Variants in UFD1 observed in about 807,000 individuals in gnomAD.
The protein encoded by UFD1 is ubiquitin recognition factor in ER associated degradation 1.
UFD1 carries 13 observed loss-of-function variants against 45.9 expected under a neutral mutation model. The ratio of observed to expected loss-of-function variants is 0.28; its 90% CI spans 0.18 to 0.45. The LOEUF is 0.45. Among genes scored for constraint, UFD1 ranks in the 20% least tolerant of loss-of-function variants. The probability of loss-of-function intolerance (pLI) is 1.00; values close to 1 mark genes in which losing one functional copy is unlikely to be tolerated. For missense variants in UFD1, 218 were observed against 389.2 expected (o/e 0.56, Z 3.70); for synonymous variants, 128 against 139.2 (o/e 0.92, Z 0.56).
intron 6 of UFD1, among the ~76,000 whole-genome samples, chr22:19,463,413 C>A (rs2089780717): frequency 6.6e-6 from 1 of 152,148 alleles, no homozygotes; most frequent in Non-Finnish European, 1.5e-5. Context: ...TAAAAAATAT[C>A]TTTGAACATT....
chr22:19,455,689 T>C lies in UFD1; in HGVS notation c.758A>G (p.Asp253Gly), dbSNP rs776664735. ...EPSPSPIKPG[D>G]IKRGIPNYEF... ...GCCAGGACAGACCTACCTTTTAATA[T>C]CTCCAGGCTTGATTGGGGAGGGGCT... is the stretch of plus-strand genomic sequence containing the variant. The change falls in exon 10 of 12, where the codon GAT (aspartate) becomes GGT (glycine). Residue 253 changes from aspartate (D) to glycine (G), a missense_variant. By Grantham distance (94) the Asp-to-Gly change is moderately conservative. Coordinates refer to ENST00000263202, the MANE Select transcript of UFD1 (RefSeq NM_005659.7). 1.2e-5 allele frequency: 20 copies of C among 1,613,744 alleles called. 1 individual carries two copies. The East Asian group carries it at 4.2e-4, about 34-fold the overall frequency.
chr22:19,475,014 T>C (rs995112605), intron 3 of UFD1, 54 bp downstream of exon 3: 2 of 1,543,220 alleles, frequency 1.3e-6, no homozygotes, highest in South Asian at 1.2e-5. Context: ...ATGCTGACTC[T>C]TGGTGTCCAT....
chr22:19,475,379 C>A, intron 2 of UFD1, 91 bp downstream of exon 2: 1 of 1,544,630 alleles, frequency 6.5e-7, no homozygotes, highest in Non-Finnish European at 8.8e-7. Context: ...TAGCTTCTGA[C>A]TCCCACATGC....
intron 4 of UFD1, among the ~76,000 whole-genome samples, chr22:19,470,305 C>T (rs1198306042): frequency 1.3e-5 from 2 of 152,116 alleles, no homozygotes; most frequent in East Asian, 1.9e-4. Flanking sequence ...GGGCTCTTGT[C>T]GGGGAGACAC....
chr22:19,472,438 CG>C (rs1241107220), intron 3 of UFD1, among the ~76,000 whole-genome samples: 4 of 152,188 alleles, frequency 2.6e-5, no homozygotes, highest in Non-Finnish European at 4.4e-5. Flanking sequence ...CTGGGCCCAG[CG>C]GGCAGTGTGA....
At chr22:19,457,544 G>A (rs2089732140) in intron 7 of UFD1, among the ~76,000 whole-genome samples, 1 of 152,148 alleles carries the variant, frequency 6.6e-6, no homozygotes, top group Admixed American at 6.6e-5. Context: ...CAGGCGCGGT[G>A]GCCCACACCT....
chr22:19,478,200 C>A (rs2089904325), intron 1 of UFD1, among the ~76,000 whole-genome samples: 1 of 152,158 alleles, frequency 6.6e-6, no homozygotes, highest in African/African-American at 2.4e-5. Flanking sequence ...CCTTTTCAAT[C>A]CCGAGACCTA....
At chr22:19,460,388 G>C (rs1254722911) in intron 6 of UFD1, among the ~76,000 whole-genome samples, 1 of 152,212 alleles carries the variant, frequency 6.6e-6, no homozygotes, top group Non-Finnish European at 1.5e-5. Context: ...AGAATTGGAA[G>C]ACAGTACCCT....
chr22:19,479,004 G>GCCCC, intron 1 of UFD1, 79 bp downstream of exon 1: 1 of 728,062 alleles, frequency 1.4e-6, no homozygotes, highest in Non-Finnish European at 2.2e-6. Context: ...CCGCCGTCCC[G>GCCCC]CCCCGCCCTG....
At chr22:19,454,515 C>G (rs2089707598) in intron 11 of UFD1, 2 of 903,686 alleles carry the variant, frequency 2.2e-6, no homozygotes, top group East Asian at 7.5e-5. Flanking sequence ...CTGCTACCAT[C>G]CATGTAAGAT....
rs577528864 is a variant in UFD1 at position 19,467,684 on chromosome 22, C to G, written c.422+189G>C. ...TGGAAAGTGACAGAGGTGGCCCAGA[C>G]AGCACCCAGTGCACTTGGCCAGGGC... On this transcript the variant is annotated intron_variant, in intron 5 of 11. Coordinates refer to ENST00000263202, the MANE Select transcript of UFD1 (RefSeq NM_005659.7). 3 of 948,110 alleles carry G rather than the reference C, an allele frequency of 3.2e-6. No individual in the cohort carries two copies. In the Admixed American group the frequency reaches 8.9e-5, roughly 28 times the overall value. The allele number at this position is 948,110 out of a possible 1,614,324, so 58.7% of individuals were successfully genotyped here. A position where few individuals can be genotyped will look rare whatever the true frequency, so the allele number is the denominator to read the frequency against.
At chr22:19,478,205 G>C (rs2089904480) in intron 1 of UFD1, among the ~76,000 whole-genome samples, 1 of 151,918 alleles carries the variant, frequency 6.6e-6, no homozygotes, top group Non-Finnish European at 1.5e-5. Flanking sequence ...TCAATCCCGA[G>C]ACCTAGCACA....
chr22:19,465,241 C>G lies in UFD1; in HGVS notation c.456G>C (p.Leu152=), dbSNP rs779713350. 1 of 1,614,146 alleles carries G rather than the reference C, an allele frequency of 6.2e-7. No individual in the cohort carries two copies. The highest frequency in any genetic ancestry group is 8.5e-7 in the Non-Finnish European group (1 of 1,180,028). ...LENALRNFAC[L]TTGDVIAINY... ...TGATGGCAATCACATCCCCGGTGGT[C>G]AGACAGGCAAAGTTCCTAAGTGCGT... Residue 152 remains leucine (L), a synonymous_variant, in exon 6 of 12, where the codon CTG becomes CTC. Coordinates refer to ENST00000263202, the MANE Select transcript of UFD1 (RefSeq NM_005659.7).
intron 11 of UFD1, chr22:19,451,746 C>T (rs375064782): frequency 4.1e-6 from 4 of 985,282 alleles, no homozygotes; most frequent in Non-Finnish European, 4.8e-6. Flanking sequence ...CTTCCTTTGC[C>T]GCACAGCCTT....
intron 4 of UFD1, among the ~76,000 whole-genome samples, chr22:19,469,543 G>A (rs772064773): frequency 2.6e-5 from 4 of 152,216 alleles, no homozygotes; most frequent in Non-Finnish European, 4.4e-5. Context: ...GGGCAGCCGA[G>A]TACCCACATG....
chr22:19,474,843 T>G (rs2089870291), intron 3 of UFD1, among the ~76,000 whole-genome samples: 1 of 152,168 alleles, frequency 6.6e-6, no homozygotes, highest in Non-Finnish European at 1.5e-5. Flanking sequence ...AGGAGGAACC[T>G]GAAGCACCCA....
At chr22:19,467,519 A>T in intron 5 of UFD1, 1 of 222,692 alleles carries the variant, frequency 4.5e-6, no homozygotes. Context: ...CGGAGGTACT[A>T]GGGAGCCACA....
intron 6 of UFD1, among the ~76,000 whole-genome samples, chr22:19,459,227 ATGC>A (rs2089746430): frequency 6.6e-6 from 1 of 152,254 alleles, no homozygotes; most frequent in African/African-American, 2.4e-5. Flanking sequence ...ATACAATGGT[ATGC>A]TACGCAGCCA....
At chr22:19,455,813 G>A (rs368755174) in intron 9 of UFD1, 45 bp from the exon 10 acceptor site, 2 of 1,569,220 alleles carry the variant, frequency 1.3e-6, no homozygotes, top group Middle Eastern at 3.4e-4. Context: ...CAAGTGTGAG[G>A]ACGATATGTC....
Sources: allele counts gnomAD v4.1 joint callset (sites outside exome capture counted in the v4.1 genomes callset), GRCh38; gene constraint gnomAD v4.1.1; transcripts MANE v1.5; gene names NCBI Gene and HGNC (gene_info 2026-07-23, HGNC 2026-07-21).